POLD3: variants seen among roughly 807,000 people sequenced by gnomAD.
POLD3 encodes the protein DNA polymerase delta subunit 3.
A neutral mutation model predicts 58.2 loss-of-function variants in POLD3; 19 were observed. That is an observed-to-expected ratio of 0.33 (90% CI 0.23 to 0.48). The LOEUF (loss-of-function observed/expected upper bound fraction) is 0.48, where lower values mean the gene tolerates loss of function less well. POLD3 is among the 20% of genes least tolerant of loss of function. The pLI is 0.99. For missense variants in POLD3, 504 were observed against 545.5 expected, an observed-to-expected ratio of 0.92 and a Z score of 0.76; for synonymous variants, 172 against 193.5, an observed-to-expected ratio of 0.89 and a Z score of 0.92.
chr11:74,629,063 A>T, intron 8 of POLD3, 154 bp from the exon 9 acceptor site: 1 of 532,460 alleles, frequency 1.9e-6, no homozygotes, highest in South Asian at 2.7e-5. Context: ...TTAGCAGAGT[A>T]TCCTTAACAA....
intron 3 of POLD3, among the ~76,000 whole-genome samples, chr11:74,609,710 A>G (rs767116156): frequency 4.5e-4 from 69 of 151,998 alleles, no homozygotes; most frequent in Non-Finnish European, 8.5e-4. Flanking sequence ...ATAAGAAAAT[A>G]TATATTCATT....
chr11:74,616,193 G>A (rs1433019900), intron 5 of POLD3, among the ~76,000 whole-genome samples: 2 of 152,102 alleles, frequency 1.3e-5, no homozygotes, highest in Non-Finnish European at 2.9e-5. Context: ...AAATAAACAT[G>A]GCAAGTAGAA....
intron 7 of POLD3, among the ~76,000 whole-genome samples, chr11:74,625,008 A>G (rs2032384687): frequency 6.6e-6 from 1 of 152,206 alleles, no homozygotes; most frequent in Non-Finnish European, 1.5e-5. Flanking sequence ...GCATTAAAAG[A>G]TAGAATATAT....
chr11:74,599,368 AT>A (rs60458731), intron 2 of POLD3, among the ~76,000 whole-genome samples: 137 of 139,430 alleles, frequency 9.8e-4, no homozygotes, highest in Admixed American at 1.2e-3. Context: ...CTCTCAAGTA[AT>A]TTTTTTTTTT....
rs185619082 is a variant in POLD3 at position 74,610,661 on chromosome 11, T to A, written c.220-838T>A. 9.6e-4 allele frequency among the ~76,000 whole-genome samples: 146 copies of A among 152,366 alleles called. 2 individuals are homozygous for A. The East Asian group carries it at 0.026, about 27-fold the overall frequency. On this transcript the variant is annotated intron_variant, in intron 3 of 11. Coordinates refer to ENST00000263681, the MANE Select transcript of POLD3 (RefSeq NM_006591.3). ...TTTTTTCATTTAAAAGTTGCTTTTT[T>A]AAAATAGATTATTTCAGTTATTTCT...
intron 4 of POLD3, among the ~76,000 whole-genome samples, 180 bp downstream of exon 4, chr11:74,611,718 C>T (rs2031918804): frequency 1.3e-5 from 2 of 152,166 alleles, no homozygotes; most frequent in South Asian, 4.1e-4. Context: ...TGCCTGACTT[C>T]CCATTTTTAG....
chr11:74,626,970 A>G (rs1291791615), intron 8 of POLD3, among the ~76,000 whole-genome samples: 1 of 152,158 alleles, frequency 6.6e-6, no homozygotes, highest in Non-Finnish European at 1.5e-5. Context: ...TAATAGTTAT[A>G]TATACATAAT....
chr11:74,611,693 A>G (rs566545978), intron 4 of POLD3, among the ~76,000 whole-genome samples, 155 bp downstream of exon 4: 182 of 152,350 alleles, frequency 1.2e-3, no homozygotes, highest in Non-Finnish European at 1.9e-3. Context: ...GCATGTTAAA[A>G]TATGATACTA....
chr11:74,660,797 CT>C (rs2033197090), intron 4 of POLD3, among the ~76,000 whole-genome samples: 2 of 152,244 alleles, frequency 1.3e-5, no homozygotes, highest in Middle Eastern at 3.4e-3. Flanking sequence ...CCCAGCCATG[CT>C]TTCTGTACAG....
chr11:74,598,504 T>C (rs2031358893), intron 2 of POLD3, among the ~76,000 whole-genome samples: 1 of 152,158 alleles, frequency 6.6e-6, no homozygotes, highest in African/African-American at 2.4e-5. Flanking sequence ...GCGCATAGAT[T>C]CTTTTGCTTT....
In POLD3 at chr11:74,635,838, T is replaced by C. The variant is rs76660636; in HGVS notation, c.1120-359T>C. On this transcript the variant is annotated intron_variant, in intron 10 of 11. Transcript: ENST00000263681. Reference sequence around the variant, plus strand: ...TGTCTCAGCCCTCACTACACTGTATTGCAGTGGTCTGCTTTCCTTCTCTCT... The same window carrying C: ...TGTCTCAGCCCTCACTACACTGTATCGCAGTGGTCTGCTTTCCTTCTCTCT... 3.9e-3 allele frequency among the ~76,000 whole-genome samples: 601 copies of C among 152,372 alleles called. 2 individuals are homozygous for C. The highest frequency in any genetic ancestry group is 7.1e-3 in the Non-Finnish European group (481 of 68,042).
intron 4 of POLD3, among the ~76,000 whole-genome samples, chr11:74,667,611 T>C (rs903956681): frequency 2.6e-5 from 4 of 152,346 alleles, no homozygotes; most frequent in African/African-American, 9.6e-5. Flanking sequence ...TAGCTAAAAA[T>C]GGACCATAGT....
chr11:74,627,605 C>G (rs977915958), intron 8 of POLD3, among the ~76,000 whole-genome samples: 2 of 152,206 alleles, frequency 1.3e-5, no homozygotes, highest in African/African-American at 4.8e-5. Context: ...ACTTTCAGTA[C>G]TGAAAGCCCC....
chr11:74,642,195 A>G lies in POLD3; in HGVS notation c.*1429A>G. The G allele has an allele frequency of 1.0e-6, 1 of 985,468 alleles. No homozygotes were observed. Among genetic ancestry groups the G allele is most frequent in the South Asian group, 4.7e-5 (1 of 21,292 alleles). 61.0% of individuals were successfully genotyped at this position (985,468 alleles called of 1,614,324 possible). ...GGGATTAACATGAGCTTCTTTAGCAACCAAGCATGAACTTGATTAAGACCA... is the reference window on the plus strand; with the variant it reads ...GGGATTAACATGAGCTTCTTTAGCAGCCAAGCATGAACTTGATTAAGACCA... On this transcript the variant is annotated 3_prime_UTR_variant, in exon 12 of 12. Transcript: ENST00000263681.
At chr11:74,609,407 C>A (rs2031828656) in intron 3 of POLD3, among the ~76,000 whole-genome samples, 2 of 15,036 alleles carry the variant, frequency 1.3e-4, no homozygotes, top group Non-Finnish European at 2.0e-4. Context: ...TTGAGATGGA[C>A]TTTTGCCTGT....
At chr11:74,631,967 A>G (rs2032607449) in intron 9 of POLD3, among the ~76,000 whole-genome samples, 1 of 152,160 alleles carries the variant, frequency 6.6e-6, no homozygotes, top group South Asian at 2.1e-4. Flanking sequence ...CTGCGGGGTC[A>G]TAAGCACCTG....
chr11:74,632,130 T>C (rs975396897), intron 9 of POLD3, among the ~76,000 whole-genome samples: 3 of 152,210 alleles, frequency 2.0e-5, no homozygotes, highest in Non-Finnish European at 4.4e-5. Context: ...AAGTTGCTTA[T>C]GGAGAATGTT....
chr11:74,622,396 A>G (rs2032291766), intron 7 of POLD3, among the ~76,000 whole-genome samples: 1 of 152,180 alleles, frequency 6.6e-6, no homozygotes. Flanking sequence ...AAACATTTGA[A>G]TAGTGGATGA....
chr11:74,634,605 T>G lies in POLD3; in HGVS notation c.1029T>G (p.Ala343=), dbSNP rs766691863. The G allele has an allele frequency of 6.2e-7, 1 of 1,608,836 alleles. No homozygotes were observed. The highest frequency in any genetic ancestry group is 2.2e-5 in the East Asian group (1 of 44,822). ...EDEVFPDSPG[A]YEAESPSPPP... ...CAGTCTTTCCAGACTCTCCTGGGGC[T>G]TATGAAGCTGAGTCACCATCCCCAC... is the stretch of plus-strand genomic sequence containing the variant. Residue 343 remains alanine, a synonymous_variant, in exon 10 of 12, where the codon GCT becomes GCG. Transcript: ENST00000263681.
Sources: allele counts gnomAD v4.1 joint callset (sites outside exome capture counted in the v4.1 genomes callset), GRCh38; gene constraint gnomAD v4.1.1; transcripts MANE v1.5; gene names NCBI Gene and HGNC (gene_info 2026-07-23, HGNC 2026-07-21).